The following WWOX variants were observed in gnomAD, a reference collection of about 807,000 sequenced individuals.
The protein encoded by WWOX is WW domain containing oxidoreductase, also known as WW domain-containing oxidoreductase.
A neutral mutation model predicts 46.2 loss-of-function variants in WWOX; 69 were observed. The ratio of observed to expected loss-of-function variants is 1.49; its 90% CI spans 1.23 to 1.82. The LOEUF is 1.82. Ranked by LOEUF, WWOX falls within the 40% of genes most tolerant of loss-of-function variation. The pLI is 0.00. For missense variants in WWOX, 919 were observed against 542.6 expected (o/e 1.69, Z -6.89); for synonymous variants, 359 against 202.6 (o/e 1.77, Z -6.56).
In WWOX at chr16:78,788,882, T is replaced by C. The variant is rs117664493; in HGVS notation, c.1056+356130T>C. On this transcript the variant is annotated intron_variant, in intron 8 of 8. Transcript: ENST00000566780. Reference sequence around the variant, plus strand: ...CCACGTAGACAGTGTCAGGATTGAATTGGAGGACTCCCAGCTGCTGTCCCC... The same window carrying C: ...CCACGTAGACAGTGTCAGGATTGAACTGGAGGACTCCCAGCTGCTGTCCCC... Among the ~76,000 whole-genome samples the C allele has an allele frequency of 4.1e-4, 62 of 152,278 alleles. 1 individual carries two copies. In the East Asian group the frequency reaches 0.011, roughly 28 times the overall value.
At chr16:78,607,324 A>C (rs1443273001) in intron 8 of WWOX, among the ~76,000 whole-genome samples, 1 of 152,202 alleles carries the variant, frequency 6.6e-6, no homozygotes, top group Admixed American at 6.5e-5. Flanking sequence ...TGAGTACGTA[A>C]ATGAAATACG....
intron 8 of WWOX, among the ~76,000 whole-genome samples, chr16:79,069,875 C>G (rs1190052651): frequency 6.6e-6 from 1 of 152,132 alleles, no homozygotes; most frequent in East Asian, 1.9e-4. Flanking sequence ...CAAATTGACT[C>G]ATTGAAAAAC....
intron 4 of WWOX, among the ~76,000 whole-genome samples, chr16:78,143,396 G>C (rs748892260): frequency 4.6e-5 from 7 of 152,086 alleles, no homozygotes; most frequent in Non-Finnish European, 7.4e-5. Context: ...ATGTTAAAAG[G>C]ATATTGTCTA....
At chr16:78,627,833 C>T (rs945884782) in intron 8 of WWOX, among the ~76,000 whole-genome samples, 9 of 152,138 alleles carry the variant, frequency 5.9e-5, no homozygotes, top group Non-Finnish European at 1.0e-4. Flanking sequence ...AAGATGATGC[C>T]GACTTAGACA....
intron 8 of WWOX, among the ~76,000 whole-genome samples, chr16:79,087,186 T>C (rs1209656921): frequency 1.3e-5 from 2 of 152,076 alleles, no homozygotes; most frequent in East Asian, 1.9e-4. Context: ...CTGGGGGAAA[T>C]GCCATGATTT....
At chr16:78,597,871 C>T (rs116049196) in intron 8 of WWOX, among the ~76,000 whole-genome samples, 169 of 151,420 alleles carry the variant, frequency 1.1e-3, no homozygotes, top group African/African-American at 4.0e-3. Context: ...TGTTTATTCC[C>T]CTCGTCAGCA....
At chr16:79,122,140 G>A (rs1383101162) in intron 8 of WWOX, among the ~76,000 whole-genome samples, 9 of 152,124 alleles carry the variant, frequency 5.9e-5, no homozygotes, top group Non-Finnish European at 1.2e-4. Context: ...CGTGGGCCGG[G>A]AACACAGCTG....
chr16:78,926,962 A>G (rs934106532), intron 8 of WWOX, among the ~76,000 whole-genome samples: 3 of 151,998 alleles, frequency 2.0e-5, no homozygotes, highest in African/African-American at 7.2e-5. Context: ...ACACCTGCCT[A>G]ATTTTGTATT....
intron 8 of WWOX, among the ~76,000 whole-genome samples, chr16:79,178,514 A>C (rs2050846990): frequency 6.6e-6 from 1 of 152,144 alleles, no homozygotes; most frequent in South Asian, 2.1e-4. Context: ...ACAAGGTCTC[A>C]CTGTGTTGTC....
At chr16:78,346,046 G>C (rs1293638894) in intron 5 of WWOX, among the ~76,000 whole-genome samples, 2 of 121,388 alleles carry the variant, frequency 1.6e-5, no homozygotes, top group South Asian at 2.5e-4. Flanking sequence ...GACAGCCTCA[G>C]CTCCAGGAAA....
At chr16:78,958,572 A>G (rs927172687) in intron 8 of WWOX, among the ~76,000 whole-genome samples, 1 of 152,360 alleles carries the variant, frequency 6.6e-6, no homozygotes, top group Non-Finnish European at 1.5e-5. Context: ...AGTAAGCTGA[A>G]CAGTGTTTTT....
In WWOX at chr16:78,971,448, C is replaced by CAA. The variant is rs71140852; in HGVS notation, c.1057-240135_1057-240134dup. ...CCAGTCTGGGTGACAGACTCTGTGTCAAAAAAAAAAAAAAAAAAAAAAAAA... is the reference window on the plus strand; with the variant it reads ...CCAGTCTGGGTGACAGACTCTGTGTCAAAAAAAAAAAAAAAAAAAAAAAAAAA... On this transcript the variant is annotated intron_variant, in intron 8 of 8. Coordinates refer to ENST00000566780, the MANE Select transcript of WWOX (RefSeq NM_016373.4). Among the ~76,000 whole-genome samples, 383 of 111,820 alleles carry CAA rather than the reference C, an allele frequency of 3.4e-3. 8 individuals are homozygous for CAA. The highest frequency in any genetic ancestry group is 6.3e-3 in the Admixed American group (69 of 11,006). 73.4% of individuals were successfully genotyped at this position (111,820 alleles called of 152,430 possible).
intron 8 of WWOX, among the ~76,000 whole-genome samples, chr16:79,068,329 C>T (rs368244024): frequency 2.0e-5 from 3 of 152,268 alleles, no homozygotes; most frequent in African/African-American, 7.2e-5. Context: ...ACAATTATGT[C>T]CCATTGTGTT....
At position 79,203,701 on chromosome 16, in the gene WWOX, C is replaced by T. The variant is rs561372977; in HGVS notation, c.1057-7907C>T. 3.9e-5 allele frequency: 6 copies of T among 152,252 alleles called. No homozygotes were observed. The South Asian group carries it at 6.2e-4, about 16-fold the overall frequency. The allele number at this position is 152,252 out of a possible 1,614,324, so 9.4% of individuals were successfully genotyped here. On this transcript the variant is annotated intron_variant, in intron 8 of 8. Coordinates refer to ENST00000566780, the MANE Select transcript of WWOX (RefSeq NM_016373.4). ...TGCAGGCAGACTTCGTAGAGCCATTCTGTGCAGAAGAAGGGAAGGGAGAAG... is the reference window on the plus strand; with the variant it reads ...TGCAGGCAGACTTCGTAGAGCCATTTTGTGCAGAAGAAGGGAAGGGAGAAG...
At chr16:78,290,982 G>A (rs1032612692) in intron 5 of WWOX, among the ~76,000 whole-genome samples, 2 of 152,158 alleles carry the variant, frequency 1.3e-5, no homozygotes, top group East Asian at 1.9e-4. Flanking sequence ...AACCCTTTAA[G>A]AAATATGACT....
Position 78,919,334 on chromosome 16 carries a change from G to T in WWOX, c.1057-292274G>T, listed in dbSNP as rs549644829. ...CAACTCACCCAGGATCAAGCAGAGG[G>T]CAAGTGGTAGATTCTAGAATTTGCA... is the stretch of plus-strand genomic sequence containing the variant. On this transcript the variant is annotated intron_variant, in intron 8 of 8. Coordinates refer to ENST00000566780, the MANE Select transcript of WWOX (RefSeq NM_016373.4). Among the ~76,000 whole-genome samples, 42 of 151,884 alleles carry T rather than the reference G, an allele frequency of 2.8e-4. No individual in the cohort carries two copies. The South Asian group carries it at 4.2e-3, about 15-fold the overall frequency.
chr16:78,449,228 G>T (rs936439674), intron 8 of WWOX, among the ~76,000 whole-genome samples: 1 of 152,148 alleles, frequency 6.6e-6, no homozygotes, highest in Admixed American at 6.6e-5. Flanking sequence ...TGGCTTTATC[G>T]AAGCATGTAA....
intron 8 of WWOX, among the ~76,000 whole-genome samples, chr16:78,944,107 G>A (rs994591575): frequency 6.6e-6 from 1 of 152,114 alleles, no homozygotes; most frequent in Admixed American, 6.5e-5. Flanking sequence ...GTTTGTTTGG[G>A]GGTTTTTTGC....
At chr16:78,371,202 A>C (rs545576054) in intron 5 of WWOX, among the ~76,000 whole-genome samples, 2 of 152,308 alleles carry the variant, frequency 1.3e-5, no homozygotes, top group South Asian at 4.1e-4. Context: ...TGCAAATTTT[A>C]GCTGAAGGTG....
Sources: gnomAD v4.1 joint callset for allele counts (sites outside exome capture counted in the v4.1 genomes callset) on GRCh38, gnomAD v4.1.1 for gene constraint, MANE v1.5 for transcripts, NCBI Gene and HGNC (gene_info 2026-07-23, HGNC 2026-07-21) for gene names.